KCNH7: variants seen among roughly 807,000 people sequenced by gnomAD.
KCNH7 encodes the protein voltage-gated inwardly rectifying potassium channel KCNH7.
Under a neutral mutation model 120.8 loss-of-function variants are expected in KCNH7, and 49 were observed. That is an observed-to-expected ratio of 0.41 (90% CI 0.32 to 0.51). The LOEUF (loss-of-function observed/expected upper bound fraction) is 0.51. Ranked by LOEUF, KCNH7 falls within the 20% of genes least tolerant of loss-of-function variation. The pLI is 0.38. For synonymous variants in KCNH7, 547 were observed against 516.1 expected (o/e 1.06, Z -0.81); for missense variants, 1,097 against 1,446.6 (o/e 0.76, Z 3.92).
At chr2:162,383,335 G>A (rs1017732912) in intron 13 of KCNH7, among the ~76,000 whole-genome samples, 36 of 151,894 alleles carry the variant, frequency 2.4e-4, no homozygotes, top group African/African-American at 8.4e-4. Flanking sequence ...AACTAAAATG[G>A]GACATTTGGT....
intron 2 of KCNH7, among the ~76,000 whole-genome samples, chr2:162,600,213 A>G (rs1694506209): frequency 6.6e-6 from 1 of 152,088 alleles, no homozygotes; most frequent in African/African-American, 2.4e-5. Flanking sequence ...AAAGGTGTAC[A>G]CTATGTTATT....
At position 162,670,622 on chromosome 2, in the gene KCNH7, A is replaced by G. The variant is rs1262729135; in HGVS notation, c.308-133542T>C. On this transcript the variant is annotated intron_variant, in intron 2 of 15. Transcript: ENST00000332142. Reference sequence around the variant, plus strand: ...TTATTGTTAAGGAAGCAGGTGAGACAGTGATAAGATTCATACTTTGTCAAA... The same window carrying G: ...TTATTGTTAAGGAAGCAGGTGAGACGGTGATAAGATTCATACTTTGTCAAA... Among the ~76,000 whole-genome samples, 3 of 152,050 alleles carry G rather than the reference A, an allele frequency of 2.0e-5. No homozygotes were observed. In the East Asian group the frequency reaches 5.8e-4, roughly 29 times the overall value.
intron 2 of KCNH7, among the ~76,000 whole-genome samples, chr2:162,625,582 C>A (rs1384420642): frequency 6.6e-6 from 1 of 152,022 alleles, no homozygotes; most frequent in African/African-American, 2.4e-5. Context: ...GTAGTTATTG[C>A]AAGATTTAAA....
At position 162,620,869 on chromosome 2, in the gene KCNH7, T is replaced by A. The variant is rs572308019; in HGVS notation, c.308-83789A>T. Among the ~76,000 whole-genome samples the A allele has an allele frequency of 2.0e-5, 3 of 152,264 alleles. No homozygotes were observed. The East Asian group carries it at 5.8e-4, about 29-fold the overall frequency. ...GCTCAATAATGCAGGAAATCTCTAA[T>A]ACCTAGCATAAGTATGACAGATTAT... On this transcript the variant is annotated intron_variant, in intron 2 of 15. Transcript: ENST00000332142.
intron 2 of KCNH7, among the ~76,000 whole-genome samples, chr2:162,562,168 C>A (rs1438108835): frequency 6.6e-6 from 1 of 152,002 alleles, no homozygotes; most frequent in African/African-American, 2.4e-5. Flanking sequence ...ATGTAACAAA[C>A]CTGCATGTTC....
intron 14 of KCNH7, among the ~76,000 whole-genome samples, chr2:162,379,602 A>G (rs1686338374): frequency 6.6e-6 from 1 of 152,220 alleles, no homozygotes; most frequent in Non-Finnish European, 1.5e-5. Context: ...TAAGATAGCC[A>G]GTGCTGGTGA....
At chr2:162,666,979 G>A (rs926318891) in intron 2 of KCNH7, among the ~76,000 whole-genome samples, 9 of 147,790 alleles carry the variant, frequency 6.1e-5, no homozygotes, top group Admixed American at 2.0e-4. Context: ...CCACTCTTTC[G>A]TCAGAACTAT....
intron 2 of KCNH7, among the ~76,000 whole-genome samples, chr2:162,806,414 T>C (rs562522706): frequency 6.6e-6 from 1 of 152,296 alleles, no homozygotes; most frequent in Admixed American, 6.5e-5. Context: ...CTCTGTTCTG[T>C]TATGCCAGAA....
At chr2:162,386,359 GC>G (rs1686571283) in intron 12 of KCNH7, among the ~76,000 whole-genome samples, 1 of 151,546 alleles carries the variant, frequency 6.6e-6, no homozygotes, top group Non-Finnish European at 1.5e-5. Flanking sequence ...CTTCTCTAAA[GC>G]CCTCTGAAAA....
chr2:162,656,024 C>T (rs1240445735), intron 2 of KCNH7, among the ~76,000 whole-genome samples: 2 of 152,158 alleles, frequency 1.3e-5, no homozygotes, highest in South Asian at 2.1e-4. Context: ...TGTACATCTA[C>T]AATCACTTAA....
At chr2:162,467,158 T>G (rs1689336765) in intron 6 of KCNH7, among the ~76,000 whole-genome samples, 1 of 152,232 alleles carries the variant, frequency 6.6e-6, no homozygotes, top group Non-Finnish European at 1.5e-5. Context: ...GAATTGCCTG[T>G]CTTTAGGAAA....
At chr2:162,570,734 G>C (rs569253764) in intron 2 of KCNH7, among the ~76,000 whole-genome samples, 1 of 151,882 alleles carries the variant, frequency 6.6e-6, no homozygotes, top group Admixed American at 6.6e-5. Flanking sequence ...TGCAAGGCTG[G>C]TTCAATATAT....
At chr2:162,749,435 T>A (rs1364318433) in intron 2 of KCNH7, among the ~76,000 whole-genome samples, 1 of 152,176 alleles carries the variant, frequency 6.6e-6, no homozygotes, top group Non-Finnish European at 1.5e-5. Flanking sequence ...CAAAAATCTC[T>A]GCTCTTGTGG....
intron 2 of KCNH7, among the ~76,000 whole-genome samples, chr2:162,654,442 C>T (rs910070195): frequency 6.0e-5 from 9 of 150,786 alleles, no homozygotes; most frequent in Admixed American, 6.6e-5. Context: ...TAAACCCACA[C>T]GAGATACCAC....
chr2:162,601,382 A>G (rs1694547033), intron 2 of KCNH7, among the ~76,000 whole-genome samples: 1 of 115,194 alleles, frequency 8.7e-6, no homozygotes, highest in Non-Finnish European at 1.8e-5. Flanking sequence ...CCAAATTTTA[A>G]AAAAGTACTT....
intron 2 of KCNH7, among the ~76,000 whole-genome samples, chr2:162,554,382 G>A (rs924981359): frequency 3.3e-5 from 5 of 151,654 alleles, no homozygotes; most frequent in African/African-American, 1.2e-4. Context: ...AAGTAATAAA[G>A]GTGAAAATTT....
At chr2:162,759,377 CAGCACTGAGGG>C (rs145582924) in intron 2 of KCNH7, among the ~76,000 whole-genome samples, 3,821 of 152,090 alleles carry the variant, frequency 0.025, 144 homozygotes, top group African/African-American at 0.086. Context: ...TAGCTCAGCC[CAGCACTGAGGG>C]AGTAAACTTG....
At chr2:162,413,509 T>A (rs1687453824) in intron 9 of KCNH7, among the ~76,000 whole-genome samples, 1 of 152,232 alleles carries the variant, frequency 6.6e-6, no homozygotes, top group Non-Finnish European at 1.5e-5. Context: ...CCCAATGATG[T>A]AATGTGTAAC....
chr2:162,795,769 A>G (rs962936889), intron 2 of KCNH7: 1 of 152,080 alleles, frequency 6.6e-6, no homozygotes, highest in Non-Finnish European at 1.5e-5. Context: ...ATAATTTAAG[A>G]TACTTGTGAA....
Sources: allele counts gnomAD v4.1 joint callset (sites outside exome capture counted in the v4.1 genomes callset), GRCh38; gene constraint gnomAD v4.1.1; transcripts MANE v1.5; gene names NCBI Gene and HGNC (gene_info 2026-07-23, HGNC 2026-07-21).